ANKRD30B: variants seen among roughly 807,000 people sequenced by gnomAD.
ANKRD30B encodes the protein ankyrin repeat domain 30B, also known as ankyrin repeat domain-containing protein 30B.
A neutral mutation model predicts 202.2 loss-of-function variants in ANKRD30B; 144 were observed. That is an observed-to-expected ratio of 0.71 (90% confidence interval 0.62 to 0.82). ANKRD30B has a LOEUF of 0.82. Ranked by LOEUF, ANKRD30B falls within the 40% of genes least tolerant of loss-of-function variation. ANKRD30B has a pLI of 0.00. For synonymous variants in ANKRD30B, 508 were observed against 561.3 expected (o/e 0.91, Z 1.34); for missense variants, 1,487 against 1,669.1 (o/e 0.89, Z 1.90).
chr18:14,889,992 G>A, the ANKRD30B span: 15 of 995,522 alleles, frequency 1.5e-5, no homozygotes, highest in South Asian at 1.4e-4. Flanking sequence ...CAATACCTTT[G>A]CGTAGAGTTT....
At chr18:14,859,401 A>G (rs146206847), downstream of ANKRD30B, among the ~76,000 whole-genome samples, 5,367 of 24,028 alleles carry the variant, frequency 0.22, 368 homozygotes, top group African/African-American at 0.31. Flanking sequence ...CAGATGGGGC[A>G]GCCAGGCAGA....
intron 24 of ANKRD30B, among the ~76,000 whole-genome samples, chr18:14,806,063 AC>A (rs1726113380): frequency 6.7e-6 from 1 of 149,858 alleles, no homozygotes; most frequent in Non-Finnish European, 1.5e-5. Context: ...TAATAAAAAT[AC>A]AAAAAATTAG....
chr18:14,894,416 G>A, the ANKRD30B span, among the ~76,000 whole-genome samples: 62,462 of 151,770 alleles, frequency 0.41, 14,316 homozygotes, highest in East Asian at 0.59. Context: ...TCACTACACA[G>A]AATCCATGCC....
chr18:14,933,077 G>A, the ANKRD30B span, among the ~76,000 whole-genome samples: 6 of 152,168 alleles, frequency 3.9e-5, no homozygotes, highest in African/African-American at 1.4e-4. Context: ...GACCATGCAC[G>A]AATCTAAACA....
At chr18:14,931,168 C>T in the ANKRD30B span, among the ~76,000 whole-genome samples, 7 of 152,124 alleles carry the variant, frequency 4.6e-5, no homozygotes, top group Middle Eastern at 3.2e-3. Flanking sequence ...GGGGATGCTA[C>T]GAAGAGTGTG....
rs778030896 is a variant in ANKRD30B at position 14,764,001 on chromosome 18, C to T, written c.1136C>T (p.Thr379Ile). ...AAGACTGAATGCGTGGCAGGAGTAA[C>T]ACCTAATAAAACTGAAGTTTTGGAA... Reference protein sequence around the residue: ...SVKTECVAGVTPNKTEVLEKG... With the variant: ...SVKTECVAGVIPNKTEVLEKG... Residue 379 changes from threonine to isoleucine, a missense_variant, in exon 7 of 44, where the codon ACA becomes ATA. Transcript: ENST00000690538. The T allele has an allele frequency of 6.4e-6, 10 of 1,569,562 alleles. No individual in the cohort carries two copies. The highest frequency in any genetic ancestry group is 8.6e-6 in the Non-Finnish European group (10 of 1,163,590).
At chr18:14,906,436 A>C in the ANKRD30B span, among the ~76,000 whole-genome samples, 1 of 152,192 alleles carries the variant, frequency 6.6e-6, no homozygotes, top group Admixed American at 6.5e-5. Flanking sequence ...TTTTAAAAAT[A>C]TTATTTTATT....
At chr18:14,917,632 C>G in the ANKRD30B span, among the ~76,000 whole-genome samples, 1 of 152,340 alleles carries the variant, frequency 6.6e-6, no homozygotes, top group South Asian at 2.1e-4. Context: ...ATCAGAATCC[C>G]TCAGTGCTTT....
chr18:14,785,809 C>T lies in ANKRD30B; in HGVS notation c.1673-1230C>T, dbSNP rs191602890. ...ACCAGGTAGATTTGGGAGGCCGAGG[C>T]GGGTGGATCATGAGGTCAGGAGATC... is the stretch of plus-strand genomic sequence containing the variant. On this transcript the variant is annotated intron_variant, in intron 14 of 43. Coordinates refer to ENST00000690538, the MANE Select transcript of ANKRD30B (RefSeq NM_001367607.2). Among the ~76,000 whole-genome samples, 47 of 152,104 alleles carry T rather than the reference C, an allele frequency of 3.1e-4. No homozygotes were observed. In the East Asian group the frequency reaches 8.0e-3, roughly 26 times the overall value.
intron 9 of ANKRD30B, 72 bp from the exon 10 acceptor site, chr18:14,777,913 C>G (rs1369782788): frequency 2.8e-6 from 3 of 1,057,712 alleles, no homozygotes; most frequent in African/African-American, 3.2e-5. Flanking sequence ...ACTGAGCCAC[C>G]CTGTGAGACT....
chr18:14,814,433 A>ATG (rs918532325), intron 29 of ANKRD30B, among the ~76,000 whole-genome samples, 188 bp from the exon 30 acceptor site: 1 of 81,154 alleles, frequency 1.2e-5, no homozygotes, highest in Non-Finnish European at 2.4e-5. Flanking sequence ...AGGTAAGTTG[A>ATG]TGTGGAGAGT....
chr18:14,796,746 C>T (rs1339681067), intron 18 of ANKRD30B, among the ~76,000 whole-genome samples: 3 of 151,002 alleles, frequency 2.0e-5, no homozygotes, highest in African/African-American at 7.3e-5. Context: ...AGGGGAATCA[C>T]CACCTTGTCG....
intron 26 of ANKRD30B, among the ~76,000 whole-genome samples, chr18:14,809,049 T>C (rs1482370778): frequency 1.3e-5 from 2 of 148,906 alleles, no homozygotes; most frequent in African/African-American, 5.0e-5. Flanking sequence ...GACAAGATAG[T>C]GAAAGCTGGG....
the ANKRD30B span, among the ~76,000 whole-genome samples, chr18:14,863,494 C>A: frequency 3.3e-5 from 5 of 152,124 alleles, no homozygotes; most frequent in African/African-American, 1.2e-4. Flanking sequence ...CAAACCTGAG[C>A]AGGTGCTGGT....
At chr18:14,924,959 C>A in the ANKRD30B span, among the ~76,000 whole-genome samples, 5 of 152,206 alleles carry the variant, frequency 3.3e-5, no homozygotes, top group Non-Finnish European at 7.3e-5. Flanking sequence ...CTGTGCCTTG[C>A]TTTCTCATCT....
At chr18:14,866,302 C>A in the ANKRD30B span, among the ~76,000 whole-genome samples, 2 of 152,070 alleles carry the variant, frequency 1.3e-5, no homozygotes, top group Non-Finnish European at 2.9e-5. Context: ...GTGGTGGCAA[C>A]AGAGATGGCA....
chr18:14,895,339 A>G, the ANKRD30B span, among the ~76,000 whole-genome samples: 1 of 152,206 alleles, frequency 6.6e-6, no homozygotes, highest in Admixed American at 6.5e-5. Flanking sequence ...AGATACCTCT[A>G]TACAACTATT....
the ANKRD30B span, chr18:14,890,229 T>A: frequency 1.9e-6 from 1 of 514,826 alleles, no homozygotes; most frequent in Admixed American, 3.3e-5. Context: ...AGCCCAAGAC[T>A]CCGACCCACA....
rs771727414 is a variant in ANKRD30B, at chr18:14,850,346, T to G, written c.3528T>G (p.Asp1176Glu). The G allele has an allele frequency of 2.7e-5, 42 of 1,572,766 alleles. No homozygotes were observed. The African/African-American group carries it at 4.7e-4, about 18-fold the overall frequency. ...QQLEQTLRIQ[D>E]IELKSVTSNL... ...TTGAACAGACTCTCAGAATACAAGA[T>G]ATAGAATTGAAAAGTGTAACAAGTA... The change falls in exon 41 of 44, where the codon GAT becomes GAG. Residue 1176 changes from aspartate (D) to glutamate (E), a missense_variant. By Grantham distance (45) the Asp-to-Glu change is conservative. Transcript: ENST00000690538.
Sources: gnomAD v4.1 joint callset for allele counts (sites outside exome capture counted in the v4.1 genomes callset) on GRCh38, gnomAD v4.1.1 for gene constraint, MANE v1.5 for transcripts, NCBI Gene and HGNC (gene_info 2026-07-23, HGNC 2026-07-21) for gene names.